The following RAPGEF4 variants were observed in gnomAD, a reference collection of about 807,000 sequenced individuals.
RAPGEF4 encodes RAP guanine-nucleotide-exchange factor (GEF) 4.
RAPGEF4 carries 66 observed loss-of-function variants against 147.9 expected under a neutral mutation model. The observed-to-expected ratio is 0.45, with a 90% CI of 0.37 to 0.55. The LOEUF (loss-of-function observed/expected upper bound fraction) is 0.55, where lower values mean the gene tolerates loss of function less well. Among genes scored for constraint, RAPGEF4 ranks in the 20% least tolerant of loss-of-function variants. The pLI is 0.00. For synonymous variants in RAPGEF4, 419 were observed against 442.7 expected (o/e 0.95, Z 0.67); for missense variants, 1,071 against 1,257.3 (o/e 0.85, Z 2.24).
At chr2:172,990,058 ACCC>A (rs1335620339) in intron 14 of RAPGEF4, among the ~76,000 whole-genome samples, 1 of 151,528 alleles carries the variant, frequency 6.6e-6, no homozygotes, top group Non-Finnish European at 1.5e-5. Context: ...TAAAATGTAT[ACCC>A]TTGAATGATA....
At chr2:172,776,904 AT>A (rs1390719655) in intron 1 of RAPGEF4, among the ~76,000 whole-genome samples, 1 of 152,066 alleles carries the variant, frequency 6.6e-6, no homozygotes, top group Admixed American at 6.6e-5. Context: ...CTATTTCAAC[AT>A]TTCTGTAATC....
chr2:172,839,628 T>G (rs1412284179), intron 4 of RAPGEF4, among the ~76,000 whole-genome samples: 1 of 151,418 alleles, frequency 6.6e-6, no homozygotes, highest in Non-Finnish European at 1.5e-5. Context: ...ACCTCCTATC[T>G]CATCCTATGA....
At chr2:172,796,250 T>G (rs1686350817) in intron 2 of RAPGEF4, among the ~76,000 whole-genome samples, 1 of 152,120 alleles carries the variant, frequency 6.6e-6, no homozygotes, top group South Asian at 2.1e-4. Flanking sequence ...GTAGAAAATT[T>G]AGAAGGTCAA....
chr2:173,051,822 T>A lies in RAPGEF4; in HGVS notation c.*55T>A. On this transcript the variant is annotated 3_prime_UTR_variant, in exon 31 of 31. Transcript: ENST00000397081. ...TCTCCAGTCCACAATCTTTCAAAAA[T>A]GCCATTTATGCTACTACTGACTGTA... 6.3e-7 allele frequency: 1 copy of A among 1,592,580 alleles called. No homozygotes were observed. Among genetic ancestry groups the A allele is most frequent in the Non-Finnish European group, 8.6e-7 (1 of 1,163,776 alleles).
intron 4 of RAPGEF4, among the ~76,000 whole-genome samples, chr2:172,862,122 G>GT (rs1694116015): frequency 6.6e-6 from 1 of 152,174 alleles, no homozygotes; most frequent in Non-Finnish European, 1.5e-5. Flanking sequence ...GGAGATCAGA[G>GT]TACATTAAAA....
chr2:172,986,569 TC>T (rs1692269767), intron 12 of RAPGEF4, among the ~76,000 whole-genome samples: 2 of 152,358 alleles, frequency 1.3e-5, no homozygotes, highest in South Asian at 2.1e-4. Context: ...TTTATTCTTT[TC>T]ATTCAAACTT....
intron 21 of RAPGEF4, 124 bp from the exon 22 acceptor site, chr2:173,018,532 A>G: frequency 1.9e-6 from 2 of 1,041,900 alleles, no homozygotes; most frequent in Non-Finnish European, 2.8e-6. Context: ...GAGTATGAAT[A>G]AATACAGTAA....
chr2:172,758,600 G>C (rs1290595548), intron 1 of RAPGEF4, among the ~76,000 whole-genome samples: 1 of 152,166 alleles, frequency 6.6e-6, no homozygotes, highest in East Asian at 1.9e-4. Flanking sequence ...GATACATTTT[G>C]GAGGTAGAAC....
chr2:172,979,832 T>C (rs954738487), intron 10 of RAPGEF4, among the ~76,000 whole-genome samples: 1 of 151,974 alleles, frequency 6.6e-6, no homozygotes, highest in African/African-American at 2.4e-5. Context: ...GCCTGGCCAA[T>C]ATGGTGAAAA....
intron 25 of RAPGEF4, among the ~76,000 whole-genome samples, chr2:173,029,876 C>T (rs1235677355): frequency 6.6e-6 from 1 of 152,186 alleles, no homozygotes; most frequent in African/African-American, 2.4e-5. Context: ...AGGCTTTTAG[C>T]AAGTTTGGGA....
chr2:173,051,008 T>C (rs941455338), intron 30 of RAPGEF4, among the ~76,000 whole-genome samples: 10 of 152,184 alleles, frequency 6.6e-5, no homozygotes, highest in Admixed American at 1.3e-4. Context: ...CAGAATAGAA[T>C]GGTAGCTGAG....
intron 3 of RAPGEF4, among the ~76,000 whole-genome samples, chr2:172,803,789 CT>C (rs1215364116): frequency 6.6e-6 from 1 of 152,192 alleles, no homozygotes; most frequent in Admixed American, 6.5e-5. Context: ...CTCTTGAATG[CT>C]TTGCTGCATA....
chr2:172,800,556 C>T (rs555411056), intron 3 of RAPGEF4, among the ~76,000 whole-genome samples: 2 of 152,192 alleles, frequency 1.3e-5, no homozygotes, highest in African/African-American at 2.4e-5. Flanking sequence ...AACAGAATCA[C>T]TAAGAGATAG....
At chr2:172,998,319 A>AG (rs1693568060) in intron 16 of RAPGEF4, among the ~76,000 whole-genome samples, 1 of 152,252 alleles carries the variant, frequency 6.6e-6, no homozygotes, top group Non-Finnish European at 1.5e-5. Flanking sequence ...AGAAATAGAC[A>AG]GGGAAGAGTG....
At chr2:173,035,856 A>G (rs1683928444) in intron 27 of RAPGEF4, among the ~76,000 whole-genome samples, 1 of 152,260 alleles carries the variant, frequency 6.6e-6, no homozygotes, top group African/African-American at 2.4e-5. Context: ...TGTTCATTAA[A>G]GGGAAGTGTA....
Position 172,961,229 on chromosome 2 carries a change from G to T in RAPGEF4, c.698+1G>T. 1 of 1,569,400 alleles carries T rather than the reference G, an allele frequency of 6.4e-7. No homozygotes were observed. Among genetic ancestry groups the T allele is most frequent in the Non-Finnish European group, 8.8e-7 (1 of 1,139,546 alleles). On this transcript the variant is annotated splice_donor_variant, in intron 8 of 30. Transcript: ENST00000397081. LOFTEE classifies it high-confidence loss of function. ...GAAAATACCACCTAAAGACATACAG[G>T]TATGTGTGCTAATTCTAAAGGCTGT...
At chr2:173,030,296 A>T (rs1392578412) in intron 26 of RAPGEF4, 42 bp downstream of exon 26, 18 of 1,471,808 alleles carry the variant, frequency 1.2e-5, no homozygotes, top group Non-Finnish European at 1.7e-5. Context: ...TTGCCTTAGG[A>T]ATAAAAACAC....
At chr2:172,881,008 G>A (rs188673793) in intron 4 of RAPGEF4, among the ~76,000 whole-genome samples, 1 of 152,048 alleles carries the variant, frequency 6.6e-6, no homozygotes, top group Admixed American at 6.6e-5. Flanking sequence ...TTTAAAAATG[G>A]CTTCTATTTC....
intron 4 of RAPGEF4, among the ~76,000 whole-genome samples, chr2:172,847,779 A>G (rs1235978377): frequency 6.6e-6 from 1 of 152,190 alleles, no homozygotes; most frequent in Admixed American, 6.5e-5. Flanking sequence ...GACTATAATT[A>G]TTTTTAAGAT....
Sources: allele counts gnomAD v4.1 joint callset (sites outside exome capture counted in the v4.1 genomes callset), GRCh38; gene constraint gnomAD v4.1.1; transcripts MANE v1.5; gene names NCBI Gene and HGNC (gene_info 2026-07-23, HGNC 2026-07-21).